The following AGMO variants were observed in gnomAD, a reference collection of about 807,000 sequenced individuals.
AGMO encodes the protein glyceryl-ether monooxygenase.
Under a neutral mutation model 60.2 loss-of-function variants are expected in AGMO, and 75 were observed. The observed-to-expected ratio is 1.25, with a 90% CI of 1.03 to 1.51. The LOEUF (loss-of-function observed/expected upper bound fraction) is 1.51, where lower values mean the gene tolerates loss of function less well. Ranked by LOEUF, AGMO falls within the 40% of genes most tolerant of loss-of-function variation. The pLI, the probability that AGMO is intolerant of heterozygous loss-of-function variation, is 0.00. For synonymous variants in AGMO, 261 were observed against 177.1 expected (o/e 1.47, Z -3.76); for missense variants, 763 against 525.5 (o/e 1.45, Z -4.42).
rs115476238 is a variant in AGMO at position 15,217,111 on chromosome 7, G to A, written c.1264-15752C>T. On this transcript the variant is annotated intron_variant, in intron 12 of 12. Transcript: ENST00000342526. Reference sequence around the variant, plus strand: ...AGGAAGGAAATACAGTTGAAGTTGTGATGTTGCAATTGAGCCATGAAATGT... The same window carrying A: ...AGGAAGGAAATACAGTTGAAGTTGTAATGTTGCAATTGAGCCATGAAATGT... Among the ~76,000 whole-genome samples the A allele has an allele frequency of 9.7e-3, 1,474 of 152,178 alleles. 16 individuals carry two copies. Among genetic ancestry groups the A allele is most frequent in the African/African-American group, 0.034 (1,403 of 41,540 alleles).
the AGMO span, among the ~76,000 whole-genome samples, chr7:15,194,910 A>T: frequency 0.01 from 1,579 of 152,242 alleles, 28 homozygotes; most frequent in African/African-American, 0.032. Flanking sequence ...TTTACCAGCA[A>T]GTTAAAATGC....
At chr7:15,379,447 G>A (rs1479833055) in intron 10 of AGMO, among the ~76,000 whole-genome samples, 3 of 152,056 alleles carry the variant, frequency 2.0e-5, no homozygotes, top group East Asian at 1.9e-4. Context: ...TGACCCCACA[G>A]AAGTACAAAC....
intron 2 of AGMO, among the ~76,000 whole-genome samples, chr7:15,556,751 C>G (rs553767937): frequency 6.6e-6 from 1 of 151,992 alleles, no homozygotes; most frequent in Non-Finnish European, 1.5e-5. Flanking sequence ...TTTGTTAAAT[C>G]AAGTTTAATT....
intron 5 of AGMO, among the ~76,000 whole-genome samples, chr7:15,394,827 C>T (rs970527482): frequency 1.3e-5 from 2 of 152,168 alleles, no homozygotes; most frequent in Non-Finnish European, 1.5e-5. Context: ...CCTTTAGAGG[C>T]ATGGTCTACC....
At chr7:15,465,544 T>A (rs1782260714) in intron 3 of AGMO, among the ~76,000 whole-genome samples, 1 of 150,046 alleles carries the variant, frequency 6.7e-6, no homozygotes, top group African/African-American at 2.4e-5. Flanking sequence ...CGCCTCAGCC[T>A]CCAAGTAGCT....
chr7:15,410,418 T>C (rs1784807536), intron 5 of AGMO, among the ~76,000 whole-genome samples: 1 of 151,882 alleles, frequency 6.6e-6, no homozygotes. Flanking sequence ...ACAATGTACT[T>C]TATGATTAGA....
chr7:15,216,306 G>C (rs1029311235), intron 12 of AGMO, among the ~76,000 whole-genome samples: 2 of 152,098 alleles, frequency 1.3e-5, no homozygotes, highest in Non-Finnish European at 2.9e-5. Context: ...TGTCCACAGA[G>C]GGGTTGCCTG....
At chr7:15,413,219 A>G (rs1388158012) in intron 5 of AGMO, among the ~76,000 whole-genome samples, 1 of 152,226 alleles carries the variant, frequency 6.6e-6, no homozygotes, top group Non-Finnish European at 1.5e-5. Context: ...AATGGATTCA[A>G]TAGCAGCTTG....
At chr7:15,176,652 CTAGACT>C in the AGMO span, among the ~76,000 whole-genome samples, 3 of 151,878 alleles carry the variant, frequency 2.0e-5, no homozygotes, top group Non-Finnish European at 4.4e-5. Flanking sequence ...ACATCCTTCA[CTAGACT>C]TAATTTATGT....
chr7:15,162,098 T>C, the AGMO span, among the ~76,000 whole-genome samples: 8 of 152,060 alleles, frequency 5.3e-5, no homozygotes, highest in Non-Finnish European at 1.2e-4. Context: ...GTTTTAAAAA[T>C]GGAAGTTTCC....
chr7:15,555,286 TATATATACACAC>T (rs1785099246), intron 2 of AGMO, among the ~76,000 whole-genome samples: 1 of 100,392 alleles, frequency 1.0e-5, no homozygotes, highest in East Asian at 2.8e-4. Flanking sequence ...TATATATATA[TATATATACACAC>T]ACACACACAC....
chr7:15,431,714 C>A (rs1326341457), intron 3 of AGMO, among the ~76,000 whole-genome samples: 1 of 151,822 alleles, frequency 6.6e-6, no homozygotes, highest in Non-Finnish European at 1.5e-5. Flanking sequence ...TTTTCCCATA[C>A]CTTACCAAAA....
chr7:15,224,322 T>A (rs947472821), intron 12 of AGMO, among the ~76,000 whole-genome samples: 4 of 152,110 alleles, frequency 2.6e-5, no homozygotes, highest in African/African-American at 9.6e-5. Context: ...AAACTGATGG[T>A]ATTATGAGGA....
chr7:15,239,135 ACCATCAACACAACTT>A (rs1782514159), intron 12 of AGMO, among the ~76,000 whole-genome samples: 1 of 152,148 alleles, frequency 6.6e-6, no homozygotes, highest in Admixed American at 6.5e-5. Context: ...CTCTCCAAGC[ACCATCAACACAACTT>A]GTTGATGAGA....
chr7:15,272,096 T>C (rs1482560457), intron 12 of AGMO, among the ~76,000 whole-genome samples: 1 of 152,038 alleles, frequency 6.6e-6, no homozygotes, highest in Non-Finnish European at 1.5e-5. Context: ...TTGTTGAGGA[T>C]TTTTGCATAT....
chr7:15,317,950 CACACTA>C (rs1483949875), intron 12 of AGMO, among the ~76,000 whole-genome samples: 2 of 146,722 alleles, frequency 1.4e-5, no homozygotes, highest in Non-Finnish European at 3.0e-5. Flanking sequence ...TACACACACA[CACACTA>C]TATATATATA....
intron 3 of AGMO, among the ~76,000 whole-genome samples, chr7:15,492,331 C>T (rs1206699250): frequency 6.9e-6 from 1 of 145,390 alleles, no homozygotes; most frequent in Non-Finnish European, 1.5e-5. Context: ...ATTGCAAACC[C>T]TTGCAAGTCA....
intron 10 of AGMO, among the ~76,000 whole-genome samples, chr7:15,373,315 G>A (rs1264071323): frequency 6.6e-6 from 1 of 151,876 alleles, no homozygotes; most frequent in Non-Finnish European, 1.5e-5. Flanking sequence ...CGTTTTCATA[G>A]GTTTCCCAGT....
At chr7:15,204,719 A>T (rs564264668) in intron 12 of AGMO, among the ~76,000 whole-genome samples, 1 of 152,190 alleles carries the variant, frequency 6.6e-6, no homozygotes, top group Admixed American at 6.5e-5. Flanking sequence ...TGGCCTGTAC[A>T]GATGCTGTCA....
Sources: allele counts gnomAD v4.1 joint callset (sites outside exome capture counted in the v4.1 genomes callset), GRCh38; gene constraint gnomAD v4.1.1; transcripts MANE v1.5; gene names NCBI Gene and HGNC (gene_info 2026-07-23, HGNC 2026-07-21).